PPARGC1A: variants seen among roughly 807,000 people sequenced by gnomAD.
PPARGC1A encodes PPARG coactivator 1 alpha.
In PPARGC1A, 25 loss-of-function variants were observed where a neutral mutation model predicts 88.7. The observed-to-expected ratio is 0.28, with a 90% CI of 0.21 to 0.39. The LOEUF (loss-of-function observed/expected upper bound fraction) is 0.39. Among genes scored for constraint, PPARGC1A ranks in the 10% least tolerant of loss-of-function variants. The pLI is 1.00. For synonymous variants in PPARGC1A, 363 were observed against 355.6 expected (o/e 1.02, Z -0.24); for missense variants, 880 against 968.7 (o/e 0.91, Z 1.22).
chr4:24,215,011 A>G, the PPARGC1A span, among the ~76,000 whole-genome samples: 1 of 152,182 alleles, frequency 6.6e-6, no homozygotes, highest in African/African-American at 2.4e-5. Flanking sequence ...TTCAATCCAG[A>G]GGTCCAGCAG....
the PPARGC1A span, among the ~76,000 whole-genome samples, chr4:23,976,891 A>G: frequency 6.6e-6 from 1 of 152,098 alleles, no homozygotes; most frequent in Non-Finnish European, 1.5e-5. Context: ...GCAGCCCTGG[A>G]AGACTAATAC....
chr4:24,306,061 T>G, the PPARGC1A span, among the ~76,000 whole-genome samples: 1 of 152,108 alleles, frequency 6.6e-6, no homozygotes, highest in African/African-American at 2.4e-5. Context: ...ATCTATGAGT[T>G]ACGAGAACAC....
intron 1 of PPARGC1A, among the ~76,000 whole-genome samples, chr4:23,887,475 T>C (rs188244757): frequency 6.6e-6 from 1 of 152,214 alleles, no homozygotes; most frequent in Non-Finnish European, 1.5e-5. Flanking sequence ...GTGTGCTTTA[T>C]TGCAATTACA....
the PPARGC1A span, among the ~76,000 whole-genome samples, chr4:24,420,666 G>C: frequency 6.6e-6 from 1 of 152,116 alleles, no homozygotes; most frequent in Non-Finnish European, 1.5e-5. Context: ...AGCAGGCCAA[G>C]TTGATTCTTT....
the PPARGC1A span, among the ~76,000 whole-genome samples, chr4:23,915,253 A>G: frequency 6.6e-6 from 1 of 152,316 alleles, no homozygotes; most frequent in South Asian, 2.1e-4. Context: ...TAGAAACACC[A>G]TATCAAATCC....
the PPARGC1A span, among the ~76,000 whole-genome samples, chr4:23,989,914 T>C: frequency 6.6e-6 from 1 of 150,560 alleles, no homozygotes; most frequent in Non-Finnish European, 1.5e-5. Context: ...TGTTGAAATT[T>C]TTTTTAATTA....
At chr4:24,164,323 A>G in the PPARGC1A span, among the ~76,000 whole-genome samples, 1 of 152,208 alleles carries the variant, frequency 6.6e-6, no homozygotes, top group African/African-American at 2.4e-5. Context: ...TTCCTGGATG[A>G]GACCACATTT....
the PPARGC1A span, among the ~76,000 whole-genome samples, chr4:24,363,839 A>T: frequency 6.6e-6 from 1 of 152,256 alleles, no homozygotes; most frequent in Non-Finnish European, 1.5e-5. Flanking sequence ...AGCAGAATTA[A>T]TGTCGAGGCA....
chr4:24,038,953 G>A, the PPARGC1A span, among the ~76,000 whole-genome samples: 1 of 152,118 alleles, frequency 6.6e-6, no homozygotes, highest in African/African-American at 2.4e-5. Flanking sequence ...AGGTTTACAA[G>A]CTAAGAGCCA....
chr4:24,056,677 C>A, the PPARGC1A span, among the ~76,000 whole-genome samples: 1 of 152,034 alleles, frequency 6.6e-6, no homozygotes, highest in Middle Eastern at 3.2e-3. Flanking sequence ...GCCTTAATGT[C>A]CTGATCTGTA....
chr4:23,824,242 C>A, intron 7 of PPARGC1A, 38 bp downstream of exon 7: 2 of 1,539,024 alleles, frequency 1.3e-6, no homozygotes, highest in Non-Finnish European at 1.8e-6. Flanking sequence ...CATATACAGA[C>A]AGACACACAC....
chr4:24,022,173 G>T, the PPARGC1A span, among the ~76,000 whole-genome samples: 11 of 152,266 alleles, frequency 7.2e-5, no homozygotes, highest in African/African-American at 2.6e-4. Flanking sequence ...GGCACAGCAA[G>T]CTCTCTTTTG....
the PPARGC1A span, among the ~76,000 whole-genome samples, chr4:24,033,844 G>C: frequency 6.6e-6 from 1 of 152,064 alleles, no homozygotes. Flanking sequence ...GCGTGGAGCC[G>C]GTTGATGGAA....
chr4:23,911,280 A>G, the PPARGC1A span, among the ~76,000 whole-genome samples: 1 of 152,156 alleles, frequency 6.6e-6, no homozygotes, highest in African/African-American at 2.4e-5. Context: ...TTCAGGAAAA[A>G]TGATCACCTT....
the PPARGC1A span, among the ~76,000 whole-genome samples, chr4:24,147,916 C>T: frequency 2.7e-3 from 408 of 152,204 alleles, no homozygotes; most frequent in African/African-American, 9.4e-3. Context: ...TGCATTCCAG[C>T]TTGGGCTACA....
At chr4:24,388,080 A>T in the PPARGC1A span, among the ~76,000 whole-genome samples, 4 of 151,960 alleles carry the variant, frequency 2.6e-5, no homozygotes, top group Admixed American at 6.5e-5. Context: ...AAATTTTTGC[A>T]ATCTATCCAT....
At chr4:24,216,282 G>A in the PPARGC1A span, among the ~76,000 whole-genome samples, 1 of 151,620 alleles carries the variant, frequency 6.6e-6, no homozygotes, top group Admixed American at 6.6e-5. Context: ...CGAGTAGCTG[G>A]GACTACAGGC....
At chr4:24,120,230 G>A in the PPARGC1A span, among the ~76,000 whole-genome samples, 1 of 152,194 alleles carries the variant, frequency 6.6e-6, no homozygotes, top group African/African-American at 2.4e-5. Context: ...CCCAAACTCC[G>A]AGTCCCAGGG....
At chr4:24,454,788 T>C in the PPARGC1A span, among the ~76,000 whole-genome samples, 16 of 152,156 alleles carry the variant, frequency 1.1e-4, no homozygotes, top group African/African-American at 3.9e-4. Flanking sequence ...TATCTGAGAC[T>C]GTCAAGAAGC....
Sources: allele counts gnomAD v4.1 joint callset (sites outside exome capture counted in the v4.1 genomes callset), GRCh38; gene constraint gnomAD v4.1.1; transcripts MANE v1.5; gene names NCBI Gene and HGNC (gene_info 2026-07-23, HGNC 2026-07-21).